Variants in RAB6A observed in about 807,000 individuals in gnomAD.
RAB6A encodes RAB6A, member RAS oncogene family.
A neutral mutation model predicts 32.3 loss-of-function variants in RAB6A; 8 were observed. The observed-to-expected ratio is 0.25, with a 90% CI of 0.15 to 0.45. RAB6A has a LOEUF of 0.45. RAB6A is among the 20% of genes least tolerant of loss of function. The pLI is 1.00. For missense variants in RAB6A, 104 were observed against 249.4 expected, an observed-to-expected ratio of 0.42 and a Z score of 3.93; for synonymous variants, 73 against 82.1, an observed-to-expected ratio of 0.89 and a Z score of 0.60.
Position 73,734,211 on chromosome 11 carries a change from C to T in RAB6A, c.71-3388G>A, listed in dbSNP as rs1946359867. On this transcript the variant is annotated intron_variant, in intron 1 of 7. Transcript: ENST00000336083. ...CACGATATCAGCTCACTGCAACCTT[C>T]ACCTCCTGGGGTCAAGCGATTCTCC... Among the ~76,000 whole-genome samples the T allele has an allele frequency of 2.0e-5, 3 of 152,146 alleles. No homozygotes were observed. The South Asian group carries it at 6.2e-4, about 32-fold the overall frequency.
Position 73,677,562 on chromosome 11 carries a change from A to G in RAB6A, c.*336T>C, listed in dbSNP as rs1328668884. 1.6e-5 allele frequency: 9 copies of G among 547,544 alleles called. No individual in the cohort carries two copies. The highest frequency in any genetic ancestry group is 2.3e-5 in the Non-Finnish European group (7 of 309,550). The allele number at this position is 547,544 out of a possible 1,614,324, so 33.9% of individuals were successfully genotyped here. On this transcript the variant is annotated 3_prime_UTR_variant, in exon 8 of 8. Transcript: ENST00000336083. ...GAACATACCGCTCGTTAACCAAGCC[A>G]TACTCATACTGTTGAGATTTCCATC...
intron 1 of RAB6A, among the ~76,000 whole-genome samples, chr11:73,757,126 TATA>T (rs1175520815): frequency 0.023 from 1,048 of 45,932 alleles, 19 homozygotes; most frequent in Non-Finnish European, 0.026. Flanking sequence ...TATATATATA[TATA>T]TTTTTTTTTT....
intron 1 of RAB6A, among the ~76,000 whole-genome samples, chr11:73,737,973 C>A (rs7933234): frequency 0.067 from 8,346 of 124,744 alleles, 352 homozygotes; most frequent in East Asian, 0.19. Flanking sequence ...CCAGCCTGGG[C>A]AACAGAGGGA....
In RAB6A at chr11:73,718,979, G is replaced by A; in HGVS notation, c.184-261C>T. 23 of 1,225,348 alleles carry A rather than the reference G, an allele frequency of 1.9e-5. No individual in the cohort carries two copies. The South Asian group carries it at 3.2e-4, about 17-fold the overall frequency. 75.9% of individuals were successfully genotyped at this position (1,225,348 alleles called of 1,614,324 possible). ...AACAATGTTTTTTGTAAAAGGGAGA[G>A]GGTGGGAAGGAAGTAGAAAGAAGAC... On this transcript the variant is annotated intron_variant, in intron 3 of 7. Coordinates refer to ENST00000336083, the MANE Select transcript of RAB6A (RefSeq NM_198896.2).
intron 6 of RAB6A, among the ~76,000 whole-genome samples, chr11:73,701,717 G>C (rs1054087465): frequency 1.3e-5 from 2 of 150,806 alleles, no homozygotes; most frequent in Non-Finnish European, 3.0e-5. Flanking sequence ...GCAGTGGTGT[G>C]ATCTCAGCTC....
intron 3 of RAB6A, among the ~76,000 whole-genome samples, chr11:73,719,798 A>G (rs1946108426): frequency 6.6e-6 from 1 of 151,582 alleles, no homozygotes; most frequent in East Asian, 2.0e-4. Context: ...GTATTTTTAG[A>G]AAAGATGGGG....
chr11:73,737,788 T>C (rs961631837), intron 1 of RAB6A, among the ~76,000 whole-genome samples: 1 of 148,370 alleles, frequency 6.7e-6, no homozygotes, highest in East Asian at 2.0e-4. Flanking sequence ...AGGTCAGGAG[T>C]TCAAGACCAG....
intron 1 of RAB6A, among the ~76,000 whole-genome samples, chr11:73,754,125 G>T (rs1946709312): frequency 6.6e-6 from 1 of 152,318 alleles, no homozygotes; most frequent in Admixed American, 6.5e-5. Flanking sequence ...ATCTGCCAAA[G>T]GTCAGTAGCC....
chr11:73,757,159 C>T (rs1300143485), intron 1 of RAB6A, among the ~76,000 whole-genome samples: 5,574 of 22,212 alleles, frequency 0.25, 1 homozygote, highest in African/African-American at 0.3. Flanking sequence ...TTTTTTTTTT[C>T]TTGAGACAGA....
intron 2 of RAB6A, among the ~76,000 whole-genome samples, chr11:73,722,058 T>TATATATATATATATATA (rs1270436615): frequency 7.4e-5 from 11 of 147,744 alleles, no homozygotes; most frequent in Non-Finnish European, 1.2e-4. Context: ...TCTGCCATGA[T>TATATATATATATATATA]TGTAAGTTTC....
chr11:73,742,098 A>G (rs1334832790), intron 1 of RAB6A, among the ~76,000 whole-genome samples: 1 of 152,022 alleles, frequency 6.6e-6, no homozygotes, highest in African/African-American at 2.4e-5. Context: ...CCTGGTCAAT[A>G]TGGTGAAACC....
chr11:73,728,557 G>A (rs1017374616), intron 2 of RAB6A, among the ~76,000 whole-genome samples: 1 of 149,166 alleles, frequency 6.7e-6, no homozygotes, highest in Non-Finnish European at 1.5e-5. Context: ...AGGGTTGCTT[G>A]GGCCCAGGAG....
chr11:73,685,885 C>CAAAAAAAA (rs56270679), intron 6 of RAB6A, among the ~76,000 whole-genome samples: 1,773 of 102,540 alleles, frequency 0.017, 126 homozygotes, highest in Non-Finnish European at 0.022. Context: ...AACTCCGTCT[C>CAAAAAAAA]AAAAAAAAAA....
chr11:73,712,973 T>C (rs750028702), intron 5 of RAB6A, among the ~76,000 whole-genome samples: 20 of 152,018 alleles, frequency 1.3e-4, no homozygotes, highest in South Asian at 4.2e-4. Context: ...CTGCCTCGGA[T>C]TGCCAAAGTG....
At chr11:73,718,974 G>C in intron 3 of RAB6A, 4 of 1,260,044 alleles carry the variant, frequency 3.2e-6, no homozygotes, top group Non-Finnish European at 4.4e-6. Flanking sequence ...TTTGTAAAAG[G>C]GAGAGGGTGG....
intron 6 of RAB6A, among the ~76,000 whole-genome samples, chr11:73,681,111 A>C (rs1234642885): frequency 1.3e-5 from 2 of 152,208 alleles, no homozygotes; most frequent in Non-Finnish European, 2.9e-5. Flanking sequence ...CCTTTGTACC[A>C]AGTACTTGCT....
chr11:73,757,125 ATATATTTTTTTTTTTTTTTTTT>A (rs1458759247), intron 1 of RAB6A, among the ~76,000 whole-genome samples: 1 of 46,140 alleles, frequency 2.2e-5, no homozygotes, highest in African/African-American at 1.1e-4. Context: ...ATATATATAT[ATATATTTTTTTTTTTTTTTTTT>A]TTTTTTTTTT....
At chr11:73,753,101 T>C (rs1946692092) in intron 1 of RAB6A, among the ~76,000 whole-genome samples, 1 of 151,664 alleles carries the variant, frequency 6.6e-6, no homozygotes, top group Non-Finnish European at 1.5e-5. Flanking sequence ...TTTTTTTTAA[T>C]CAGCCGAGCG....
At position 73,677,887 on chromosome 11, in the gene RAB6A, G is replaced by A; in HGVS notation, c.*11C>T. 1 of 1,614,180 alleles carries A rather than the reference G, an allele frequency of 6.2e-7. No individual in the cohort carries two copies. Among genetic ancestry groups the A allele is most frequent in the African/African-American group, 1.3e-5 (1 of 75,062 alleles). Reference sequence around the variant, plus strand: ...TGAGCTTCTGAAGAAGGTTGAAGATGACATGGGAGATTAGCAGGAACAGCC... The same window carrying A: ...TGAGCTTCTGAAGAAGGTTGAAGATAACATGGGAGATTAGCAGGAACAGCC... On this transcript the variant is annotated 3_prime_UTR_variant, in exon 8 of 8. Coordinates refer to ENST00000336083, the MANE Select transcript of RAB6A (RefSeq NM_198896.2).
Sources: allele counts gnomAD v4.1 joint callset (sites outside exome capture counted in the v4.1 genomes callset), GRCh38; gene constraint gnomAD v4.1.1; transcripts MANE v1.5; gene names NCBI Gene and HGNC (gene_info 2026-07-23, HGNC 2026-07-21).